ASTN2: variants seen among roughly 807,000 people sequenced by gnomAD.
ASTN2 encodes astrotactin-2.
In ASTN2, 54 loss-of-function variants were observed where a neutral mutation model predicts 139.8. The observed-to-expected ratio is 0.39, with a 90% CI of 0.31 to 0.48. ASTN2 has a LOEUF of 0.48. ASTN2 is among the 20% of genes least tolerant of loss of function. The pLI, the probability that ASTN2 is intolerant of heterozygous loss-of-function variation, is 0.95. For synonymous variants in ASTN2, 756 were observed against 719.5 expected, an observed-to-expected ratio of 1.05 and a Z score of -0.81; for missense variants, 1,565 against 1,725.1, an observed-to-expected ratio of 0.91 and a Z score of 1.64.
intron 13 of ASTN2, among the ~76,000 whole-genome samples, chr9:116,749,122 T>C (rs1410187849): frequency 6.6e-6 from 1 of 151,990 alleles, no homozygotes; most frequent in Non-Finnish European, 1.5e-5. Flanking sequence ...ATAATAATCA[T>C]CCTTGCCTCA....
At chr9:116,614,854 C>A (rs953618796) in intron 19 of ASTN2, among the ~76,000 whole-genome samples, 2 of 152,064 alleles carry the variant, frequency 1.3e-5, no homozygotes, top group African/African-American at 2.4e-5. Context: ...AATGGCAACA[C>A]AAGCCAAAAT....
At chr9:116,811,043 T>A (rs1302122638) in intron 12 of ASTN2, among the ~76,000 whole-genome samples, 1 of 152,202 alleles carries the variant, frequency 6.6e-6, no homozygotes, top group Non-Finnish European at 1.5e-5. Context: ...GTTAAGGCAC[T>A]AGCTCATTCG....
chr9:117,279,481 C>A (rs1435081120), intron 2 of ASTN2, among the ~76,000 whole-genome samples: 2 of 152,154 alleles, frequency 1.3e-5, no homozygotes, highest in East Asian at 1.9e-4. Context: ...ATTACTCTCA[C>A]CATTTTACAG....
intron 19 of ASTN2, among the ~76,000 whole-genome samples, chr9:116,499,723 T>C (rs986713188): frequency 6.6e-6 from 1 of 152,030 alleles, no homozygotes; most frequent in Admixed American, 6.6e-5. Flanking sequence ...GGTGGAAGAT[T>C]GGGGGGATGC....
intron 7 of ASTN2, among the ~76,000 whole-genome samples, chr9:116,983,323 G>A (rs1321355386): frequency 6.6e-6 from 1 of 152,164 alleles, no homozygotes; most frequent in Admixed American, 6.5e-5. Context: ...AGCCTGCTTT[G>A]TGCTAAAAGT....
At chr9:116,475,986 TA>T (rs1188889409) in intron 20 of ASTN2, among the ~76,000 whole-genome samples, 1 of 152,210 alleles carries the variant, frequency 6.6e-6, no homozygotes, top group Admixed American at 6.5e-5. Context: ...ATTAGTTTCT[TA>T]GGGCTACCAT....
chr9:117,057,015 C>A (rs1839083293), intron 5 of ASTN2, among the ~76,000 whole-genome samples: 1 of 152,172 alleles, frequency 6.6e-6, no homozygotes. Context: ...AAGTTTTTAA[C>A]ATAGTGGATG....
intron 11 of ASTN2, among the ~76,000 whole-genome samples, chr9:116,850,857 G>A (rs976857968): frequency 6.6e-6 from 1 of 152,156 alleles, no homozygotes; most frequent in Non-Finnish European, 1.5e-5. Context: ...CTACACCAGA[G>A]GGAATCATTA....
intron 20 of ASTN2, among the ~76,000 whole-genome samples, chr9:116,487,038 A>C (rs556132651): frequency 5.9e-5 from 9 of 152,268 alleles, no homozygotes; most frequent in African/African-American, 2.2e-4. Flanking sequence ...GAGATCCCTG[A>C]CCCAACCATC....
intron 19 of ASTN2, chr9:116,586,054 AT>A (rs1854133169): frequency 6.6e-6 from 1 of 152,200 alleles, no homozygotes; most frequent in Admixed American, 6.5e-5. Context: ...ACTGCTCCAC[AT>A]TACTAGTCAT....
At chr9:116,567,900 C>G (rs1222633455) in intron 19 of ASTN2, among the ~76,000 whole-genome samples, 1 of 152,092 alleles carries the variant, frequency 6.6e-6, no homozygotes, top group Non-Finnish European at 1.5e-5. Context: ...ATATGAAAAC[C>G]AAGCCTCAGA....
intron 2 of ASTN2, among the ~76,000 whole-genome samples, chr9:117,273,186 A>C (rs1215259240): frequency 6.6e-6 from 1 of 152,216 alleles, no homozygotes; most frequent in Non-Finnish European, 1.5e-5. Flanking sequence ...GCAAAAGTAG[A>C]AACCCAATAA....
intron 13 of ASTN2, among the ~76,000 whole-genome samples, chr9:116,765,808 C>T (rs773352688): frequency 6.6e-6 from 1 of 152,082 alleles, no homozygotes; most frequent in Non-Finnish European, 1.5e-5. Flanking sequence ...ACTGAAAGCA[C>T]AGAGTGACAC....
intron 2 of ASTN2, among the ~76,000 whole-genome samples, chr9:117,220,513 G>T (rs1832478451): frequency 6.6e-6 from 1 of 152,088 alleles, no homozygotes; most frequent in Non-Finnish European, 1.5e-5. Context: ...GATTAAAGTG[G>T]GCCCTAAATC....
Position 116,442,466 on chromosome 9 carries a change from G to A in ASTN2, c.3585C>T (p.Asp1195=). The A allele has an allele frequency of 6.2e-7, 1 of 1,614,052 alleles. No individual in the cohort carries two copies. Among genetic ancestry groups the A allele is most frequent in the Non-Finnish European group, 8.5e-7 (1 of 1,179,994 alleles). ...TLRTACPLVD[D]NKAEEIADKI... ...TGGGTTACCTACCTTCTGCCTTGTT[G>A]TCATCTACCAGTGGACAGGCCGTCC... Residue 1195 remains aspartate, a synonymous_variant, in exon 21 of 23, where the codon GAC becomes GAT. Transcript: ENST00000313400.
chr9:116,910,196 G>A (rs1446925581), intron 10 of ASTN2, among the ~76,000 whole-genome samples: 2 of 151,922 alleles, frequency 1.3e-5, no homozygotes, highest in African/African-American at 4.8e-5. Context: ...TCAAAAATTA[G>A]GCATAGAATT....
At chr9:116,915,391 G>T (rs879897814) in intron 10 of ASTN2, among the ~76,000 whole-genome samples, 1 of 152,174 alleles carries the variant, frequency 6.6e-6, no homozygotes, top group Non-Finnish European at 1.5e-5. Flanking sequence ...TCTGCCTCAA[G>T]TTCCTGACAT....
chr9:117,388,776 C>T (rs1336019926), intron 1 of ASTN2, among the ~76,000 whole-genome samples: 1 of 152,132 alleles, frequency 6.6e-6, no homozygotes, highest in Admixed American at 6.6e-5. Flanking sequence ...AGAATTCTGC[C>T]TTGTCTTCCC....
intron 16 of ASTN2, chr9:116,687,151 G>T (rs1243433073): frequency 3.7e-6 from 4 of 1,075,016 alleles, no homozygotes; most frequent in Middle Eastern, 4.5e-4. Context: ...ATTACGTGTC[G>T]CTAAGGCCCC....
Sources: allele counts gnomAD v4.1 joint callset (sites outside exome capture counted in the v4.1 genomes callset), GRCh38; gene constraint gnomAD v4.1.1; transcripts MANE v1.5; gene names NCBI Gene and HGNC (gene_info 2026-07-23, HGNC 2026-07-21).